The following POGLUT3 variants were observed in gnomAD, a reference collection of about 807,000 sequenced individuals.
The protein encoded by POGLUT3 is KDEL (Lys-Asp-Glu-Leu) containing 2.
Under a neutral mutation model 54.3 loss-of-function variants are expected in POGLUT3, and 48 were observed. The observed-to-expected ratio is 0.88, with a 90% CI of 0.70 to 1.12. The LOEUF (loss-of-function observed/expected upper bound fraction) is 1.12. Ranked by LOEUF, POGLUT3 falls within the 50% of genes most tolerant of loss-of-function variation. The probability of loss-of-function intolerance (pLI) is 0.00; values close to 1 mark genes in which losing one functional copy is unlikely to be tolerated. For synonymous variants in POGLUT3, 218 were observed against 237.4 expected, an observed-to-expected ratio of 0.92 and a Z score of 0.75; for missense variants, 629 against 618.7, an observed-to-expected ratio of 1.02 and a Z score of -0.18.
intron 6 of POGLUT3, chr11:108,478,018 G>A (rs1403821773): frequency 3.3e-6 from 1 of 298,832 alleles, no homozygotes; most frequent in Non-Finnish European, 6.2e-6. Flanking sequence ...GTGTGGTGGC[G>A]GGTACCTGTA....
At chr11:108,482,461 T>A (rs1004381114) in intron 3 of POGLUT3, among the ~76,000 whole-genome samples, 1 of 152,010 alleles carries the variant, frequency 6.6e-6, no homozygotes, top group Non-Finnish European at 1.5e-5. Context: ...CATGTAAAAT[T>A]CAGTGTTTGA....
At chr11:108,485,092 T>C (rs930657876) in intron 3 of POGLUT3, among the ~76,000 whole-genome samples, 2 of 152,154 alleles carry the variant, frequency 1.3e-5, no homozygotes, top group Non-Finnish European at 2.9e-5. Flanking sequence ...TGCAGAGATG[T>C]CTATTTTTAA....
intron 2 of POGLUT3, among the ~76,000 whole-genome samples, chr11:108,489,587 T>G (rs1444717314): frequency 1.3e-5 from 2 of 152,054 alleles, no homozygotes; most frequent in Non-Finnish European, 2.9e-5. Context: ...AAAAAACCCA[T>G]CAACCTATAA....
At chr11:108,475,515 G>A (rs1264545356) in intron 7 of POGLUT3, among the ~76,000 whole-genome samples, 1 of 142,666 alleles carries the variant, frequency 7.0e-6, no homozygotes, top group Non-Finnish European at 1.5e-5. Context: ...CACTGAGGCT[G>A]GAGTGCAGTG....
At chr11:108,488,381 G>A (rs1445042050) in intron 2 of POGLUT3, among the ~76,000 whole-genome samples, 1 of 152,180 alleles carries the variant, frequency 6.6e-6, no homozygotes, top group Non-Finnish European at 1.5e-5. Context: ...GTGAGTCTGA[G>A]AGATGGGGAA....
At chr11:108,490,936 A>G in intron 2 of POGLUT3, 34 bp downstream of exon 2, 1 of 1,561,462 alleles carries the variant, frequency 6.4e-7, no homozygotes, top group South Asian at 1.1e-5. Context: ...ACCTACACAC[A>G]AGGCTGACTC....
At chr11:108,479,872 C>T (rs1381665508) in intron 5 of POGLUT3, among the ~76,000 whole-genome samples, 1 of 152,110 alleles carries the variant, frequency 6.6e-6, no homozygotes, top group Non-Finnish European at 1.5e-5. Context: ...ATTGCTCTGT[C>T]ACCCAGGCTG....
chr11:108,488,731 A>G (rs973318823), intron 2 of POGLUT3, among the ~76,000 whole-genome samples: 1 of 152,232 alleles, frequency 6.6e-6, no homozygotes, highest in African/African-American at 2.4e-5. Context: ...ATTTAGAATG[A>G]TAATGACAAA....
chr11:108,491,193 C>T, intron 1 of POGLUT3, 26 bp from the exon 2 acceptor site: 1 of 1,530,180 alleles, frequency 6.5e-7, no homozygotes, highest in Non-Finnish European at 9.0e-7. Flanking sequence ...ATATAAACAA[C>T]TCTACCATGT....
intron 2 of POGLUT3, 139 bp from the exon 3 acceptor site, chr11:108,486,579 G>T: frequency 1.2e-6 from 1 of 816,772 alleles, no homozygotes; most frequent in Non-Finnish European, 1.9e-6. Context: ...TGGTGTAAGT[G>T]ATTATGTTAG....
chr11:108,487,393 G>T (rs1293330235), intron 2 of POGLUT3, among the ~76,000 whole-genome samples: 1 of 152,178 alleles, frequency 6.6e-6, no homozygotes, highest in Admixed American at 6.5e-5. Flanking sequence ...TGGTCATTGA[G>T]TCTGAGAGAT....
intron 5 of POGLUT3, among the ~76,000 whole-genome samples, chr11:108,480,627 G>C (rs919650741): frequency 6.6e-6 from 1 of 152,014 alleles, no homozygotes; most frequent in South Asian, 2.1e-4. Flanking sequence ...GAGCCCATCA[G>C]GTTTTGTCAC....
intron 1 of POGLUT3, among the ~76,000 whole-genome samples, chr11:108,497,783 G>C (rs2093624778): frequency 6.6e-6 from 1 of 152,126 alleles, no homozygotes; most frequent in Non-Finnish European, 1.5e-5. Context: ...GACGCGATCC[G>C]TCGGCTTGAT....
At position 108,498,165 on chromosome 11, in the gene POGLUT3, C is replaced by T. The variant is rs745526432; in HGVS notation, c.202G>A (p.Gly68Ser). 2.6e-6 allele frequency: 4 copies of T among 1,511,856 alleles called. No homozygotes were observed. In the African/African-American group the frequency reaches 5.8e-5, roughly 22 times the overall value. The allele number at this position is 1,511,856 out of a possible 1,614,324, so 93.7% of individuals were successfully genotyped here. ...AGGGAGGCCGGCGGCTGGACACTACCTGCGGGAGAGCGAGTGAGGTTCTGG... is the reference window on the plus strand; with the variant it reads ...AGGGAGGCCGGCGGCTGGACACTACTTGCGGGAGAGCGAGTGAGGTTCTGG... ...EGQNLTRSPA[G>S]ETPFKVVVKS... The change falls in exon 1 of 8, where the codon GGT becomes AGT. Residue 68 changes from glycine to serine, a missense_variant and splice_region_variant. Coordinates refer to ENST00000323468, the MANE Select transcript of POGLUT3 (RefSeq NM_153705.5).
chr11:108,491,561 G>T, intron 1 of POGLUT3: 1 of 241,852 alleles, frequency 4.1e-6, no homozygotes, highest in Non-Finnish European at 8.0e-6. Flanking sequence ...ATGGTGGGGG[G>T]CGGGATGGGT....
chr11:108,481,303 C>A lies in POGLUT3; in HGVS notation c.975G>T (p.Leu325Phe). Reference protein sequence around the residue: ...GRDSREERLQLVQLSKENPQL... With the variant: ...GRDSREERLQFVQLSKENPQL... ...GAGGATTTTCTTTGGACAGCTGTAC[C>A]AACTGGAGCCTCTCCTCTCGGCTGT... The change falls in exon 5 of 8, where the codon TTG (leucine) becomes TTT (phenylalanine). Residue 325 changes from leucine to phenylalanine, a missense_variant. By Grantham distance (22) the Leu-to-Phe change is conservative (BLOSUM62 0). Transcript: ENST00000323468. 1 of 1,612,666 alleles carries A rather than the reference C, an allele frequency of 6.2e-7. No homozygotes were observed. The highest frequency in any genetic ancestry group is 8.5e-7 in the Non-Finnish European group (1 of 1,179,424).
intron 5 of POGLUT3, 85 bp from the exon 6 acceptor site, chr11:108,479,580 A>G (rs2093588902): frequency 2.2e-6 from 2 of 891,362 alleles, no homozygotes. Flanking sequence ...AATACCAACT[A>G]CAGAGGAATT....
intron 1 of POGLUT3, chr11:108,491,441 A>T: frequency 1.8e-6 from 1 of 542,650 alleles, no homozygotes. Flanking sequence ...TACAGCTCCA[A>T]CCTCCTGGGC....
At chr11:108,477,459 A>G (rs1275626730) in intron 7 of POGLUT3, 148 bp downstream of exon 7, 3 of 600,166 alleles carry the variant, frequency 5.0e-6, no homozygotes, top group South Asian at 4.6e-5. Flanking sequence ...ACTTAGCACT[A>G]TCTTTCCCTA....
Sources: allele counts gnomAD v4.1 joint callset (sites outside exome capture counted in the v4.1 genomes callset), GRCh38; gene constraint gnomAD v4.1.1; transcripts MANE v1.5; gene names NCBI Gene and HGNC (gene_info 2026-07-23, HGNC 2026-07-21).